Variants in GPR161 observed in about 807,000 individuals in gnomAD.
GPR161 encodes G protein-coupled receptor 161.
A neutral mutation model predicts 39.2 loss-of-function variants in GPR161; 25 were observed. That is an observed-to-expected ratio of 0.64 (90% CI 0.47 to 0.89). The LOEUF (loss-of-function observed/expected upper bound fraction) is 0.89. Among genes scored for constraint, GPR161 ranks in the 40% least tolerant of loss-of-function variants. GPR161 has a pLI of 0.00. For synonymous variants in GPR161, 286 were observed against 276.6 expected, an observed-to-expected ratio of 1.03 and a Z score of -0.34; for missense variants, 547 against 677.8, an observed-to-expected ratio of 0.81 and a Z score of 2.14.
intron 1 of GPR161, among the ~76,000 whole-genome samples, chr1:168,120,135 C>T (rs976729272): frequency 2.6e-5 from 4 of 152,350 alleles, no homozygotes; most frequent in South Asian, 4.1e-4. Flanking sequence ...AGGCACTCAA[C>T]ACCAGCCCAT....
rs150234638 is a variant in GPR161, at chr1:168,116,435, A to G, written c.-44-11541T>C. On this transcript the variant is annotated intron_variant, in intron 1 of 5. Transcript: ENST00000682931. The stretch of plus-strand genomic sequence containing the variant: ...GGGCCCCTTTATCTCAGCACCTCAA[A>G]GCACTTTACACACATCAGTCACTAA... Among the ~76,000 whole-genome samples the G allele has an allele frequency of 2.6e-3, 391 of 152,196 alleles. 2 individuals carry two copies. The highest frequency in any genetic ancestry group is 9.1e-3 in the African/African-American group (377 of 41,528).
chr1:168,131,042 G>A (rs1698949468), intron 1 of GPR161, among the ~76,000 whole-genome samples: 2 of 152,148 alleles, frequency 1.3e-5, no homozygotes. Flanking sequence ...AGGATTGAAT[G>A]AGATAGTGTG....
In GPR161 at chr1:168,110,838, T is replaced by C. The variant is rs539913203; in HGVS notation, c.-44-5944A>G. Among the ~76,000 whole-genome samples the C allele has an allele frequency of 3.3e-5, 5 of 151,216 alleles. 1 individual carries two copies. In the South Asian group the frequency reaches 1.0e-3, roughly 32 times the overall value. On this transcript the variant is annotated intron_variant, in intron 1 of 5. Transcript: ENST00000682931. ...ACTCAGGAGGCTGAGGCAGGAGAAT[T>C]GCTTAAACCCAAGAGGCGGAGGTTG...
chr1:168,088,238 A>G (rs1694731022), intron 4 of GPR161: 1 of 153,632 alleles, frequency 6.5e-6, no homozygotes, highest in African/African-American at 2.4e-5. Flanking sequence ...GGGAAGTCCT[A>G]CTAGAGATAG....
intron 4 of GPR161, chr1:168,089,686 GT>G (rs1255888091): frequency 6.6e-6 from 1 of 152,340 alleles, no homozygotes; most frequent in African/African-American, 2.4e-5. Context: ...GGCAGCAGGT[GT>G]GGCCAGACAC....
intron 1 of GPR161, among the ~76,000 whole-genome samples, chr1:168,124,946 A>G (rs1264343912): frequency 1.3e-5 from 2 of 152,248 alleles, no homozygotes; most frequent in African/African-American, 4.8e-5. Flanking sequence ...TCCAGTCTGC[A>G]GAACCATTAG....
intron 1 of GPR161, among the ~76,000 whole-genome samples, chr1:168,123,720 T>A (rs1357754724): frequency 6.6e-6 from 1 of 152,134 alleles, no homozygotes. Flanking sequence ...GAACTCAAAG[T>A]CAATGCTTGA....
chr1:168,104,649 T>C lies in GPR161; in HGVS notation c.202A>G (p.Ser68Gly). Reference sequence around the variant, plus strand: ...AGCAGGAAGTTGGACAGAGTCAGGCTGAAGACGAACTTGTTGCTGAGGGTG... The same window carrying C: ...AGCAGGAAGTTGGACAGAGTCAGGCCGAAGACGAACTTGTTGCTGAGGGTG... ...LLTLSNKFVFSLTLSNFLLSV... is the reference protein window; with the variant it reads ...LLTLSNKFVFGLTLSNFLLSV... Residue 68 changes from serine (S) to glycine (G), a missense_variant, in exon 2 of 6, where the codon AGC becomes GGC. Ser to Gly is a moderately conservative substitution (Grantham distance 56). Coordinates refer to ENST00000682931, the MANE Select transcript of GPR161 (RefSeq NM_001375883.1). 1 of 1,614,148 alleles carries C rather than the reference T, an allele frequency of 6.2e-7. No individual in the cohort carries two copies. The highest frequency in any genetic ancestry group is 1.6e-4 in the Middle Eastern group (1 of 6,062).
intron 1 of GPR161, among the ~76,000 whole-genome samples, chr1:168,128,059 A>G (rs756404394): frequency 2.0e-5 from 3 of 152,218 alleles, no homozygotes; most frequent in Non-Finnish European, 4.4e-5. Flanking sequence ...CCAGGTAAGC[A>G]GCTGACTGAG....
At chr1:168,112,618 G>A (rs1697299130) in intron 1 of GPR161, among the ~76,000 whole-genome samples, 1 of 152,006 alleles carries the variant, frequency 6.6e-6, no homozygotes, top group South Asian at 2.1e-4. Context: ...AGCACTTTGT[G>A]GGCCGAGGTG....
rs1006002440 is a variant in GPR161, at chr1:168,098,021, G to C, written c.375-789C>G. On this transcript the variant is annotated intron_variant, in intron 2 of 5. Transcript: ENST00000682931. The surrounding 1 kb of genome is among the most constrained non-coding windows in gnomAD (Gnocchi z 4.1). ...CGAATCACTCAGTGCTGCTAGGTAGGAGGTGGGCCAGGAGGGCTATCCATT... is the reference window on the plus strand; with the variant it reads ...CGAATCACTCAGTGCTGCTAGGTAGCAGGTGGGCCAGGAGGGCTATCCATT... 1.3e-5 allele frequency among the ~76,000 whole-genome samples: 2 copies of C among 152,184 alleles called. No homozygotes were observed. Among genetic ancestry groups the C allele is most frequent in the African/African-American group, 4.8e-5 (2 of 41,448 alleles).
At chr1:168,090,379 G>C in intron 4 of GPR161, 185 bp downstream of exon 4, 1 of 517,156 alleles carries the variant, frequency 1.9e-6, no homozygotes. Flanking sequence ...AAGAAACTGA[G>C]ACACAGGAAA....
intron 3 of GPR161, among the ~76,000 whole-genome samples, chr1:168,094,916 A>G (rs1418184257): frequency 6.6e-6 from 1 of 152,230 alleles, no homozygotes; most frequent in African/African-American, 2.4e-5. Context: ...GCATCATCTC[A>G]AAGTATCTCC....
rs950473152 is a variant in GPR161, at chr1:168,098,262, G to T, written c.375-1030C>A. Among the ~76,000 whole-genome samples the T allele has an allele frequency of 1.3e-5, 2 of 152,240 alleles. No individual in the cohort carries two copies. Among genetic ancestry groups the T allele is most frequent in the Non-Finnish European group, 2.9e-5 (2 of 68,034 alleles). On this transcript the variant is annotated intron_variant, in intron 2 of 5. Transcript: ENST00000682931. The surrounding 1 kb of genome is among the most constrained non-coding windows in gnomAD (Gnocchi z 4.1). ...GGCAGGAGAGAGAGTGCAGGATGGA[G>T]AGAGGAGGAGAGAAGGAAGCAGGCC...
At chr1:168,120,188 G>A (rs1698052145) in intron 1 of GPR161, among the ~76,000 whole-genome samples, 1 of 152,218 alleles carries the variant, frequency 6.6e-6, no homozygotes, top group African/African-American at 2.4e-5. Context: ...CCACAGAGGT[G>A]GAGCTGCCCA....
intron 1 of GPR161, among the ~76,000 whole-genome samples, chr1:168,109,010 G>A (rs1696891807): frequency 6.6e-6 from 1 of 152,150 alleles, no homozygotes; most frequent in Non-Finnish European, 1.5e-5. Context: ...ATTGGTGATT[G>A]GACGTATCAG....
chr1:168,108,366 C>T (rs1362352227), intron 1 of GPR161, among the ~76,000 whole-genome samples: 4 of 151,632 alleles, frequency 2.6e-5, no homozygotes, highest in Non-Finnish European at 5.9e-5. Flanking sequence ...AAACCATATC[C>T]AAACCATTGC....
chr1:168,099,257 G>A (rs1463930733), intron 2 of GPR161, among the ~76,000 whole-genome samples: 1 of 152,200 alleles, frequency 6.6e-6, no homozygotes, highest in African/African-American at 2.4e-5. Flanking sequence ...ACGTCATTCT[G>A]GCAAATGAAA....
At chr1:168,091,221 T>C (rs372996558) in intron 3 of GPR161, among the ~76,000 whole-genome samples, 1 of 151,290 alleles carries the variant, frequency 6.6e-6, no homozygotes, top group African/African-American at 2.4e-5. Context: ...GGAACGGGGT[T>C]GGGGGGTAGG....
Sources: allele counts gnomAD v4.1 joint callset (sites outside exome capture counted in the v4.1 genomes callset), GRCh38; gene constraint gnomAD v4.1.1; non-coding constraint Gnocchi (gnomAD v3.1); transcripts MANE v1.5; gene names NCBI Gene and HGNC (gene_info 2026-07-23, HGNC 2026-07-21).